The following FBXO31 variants were observed in gnomAD, a reference collection of about 807,000 sequenced individuals.
FBXO31 encodes the protein F-box only protein 31.
Under a neutral mutation model 54.4 loss-of-function variants are expected in FBXO31, and 24 were observed. The observed-to-expected ratio is 0.44, with a 90% confidence interval of 0.32 to 0.62. The LOEUF (loss-of-function observed/expected upper bound fraction) is 0.62, where lower values mean the gene tolerates loss of function less well. Ranked by LOEUF, FBXO31 falls within the 20% of genes least tolerant of loss-of-function variation. FBXO31 has a pLI of 0.05. For missense variants in FBXO31, 665 were observed against 787.1 expected (o/e 0.84, Z 1.86); for synonymous variants, 388 against 335.6 (o/e 1.16, Z -1.71).
At chr16:87,333,291 C>T (rs1006248207) in intron 8 of FBXO31, among the ~76,000 whole-genome samples, 13 of 152,240 alleles carry the variant, frequency 8.5e-5, no homozygotes, top group Non-Finnish European at 1.5e-4. Context: ...CCCACGCAGT[C>T]GCAGCTGGTG....
intron 5 of FBXO31, among the ~76,000 whole-genome samples, chr16:87,340,285 TCAAAAA>T (rs1905151990): frequency 6.6e-6 from 1 of 152,148 alleles, no homozygotes; most frequent in African/African-American, 2.4e-5. Context: ...AGACTACATC[TCAAAAA>T]CAAACAAAAA....
intron 1 of FBXO31, among the ~76,000 whole-genome samples, chr16:87,378,413 T>A (rs183266999): frequency 1.3e-5 from 2 of 152,320 alleles, no homozygotes; most frequent in Non-Finnish European, 2.9e-5. Context: ...AGAGGAATCA[T>A]TAAAATTAGA....
intron 2 of FBXO31, among the ~76,000 whole-genome samples, chr16:87,355,128 C>T (rs1306089838): frequency 6.6e-6 from 1 of 152,144 alleles, no homozygotes; most frequent in Non-Finnish European, 1.5e-5. Context: ...GAGGTCAAGG[C>T]AGAAGGATTG....
chr16:87,335,304 C>A lies in FBXO31; in HGVS notation c.996G>T (p.Thr332=), dbSNP rs371036788. 4 of 1,613,360 alleles carry A rather than the reference C, an allele frequency of 2.5e-6. No individual in the cohort carries two copies. The highest frequency in any genetic ancestry group is 3.4e-6 in the Non-Finnish European group (4 of 1,180,000). ...HGRRARGTKI[T]GDPNIPAGQQ... ...ACCAACCAGGTCAGCCGCCACTCAC[C>A]GTGATCTTGGTGCCCCTGGCACGCC... is the stretch of plus-strand genomic sequence containing the variant. The change falls in exon 7 of 9, where the codon ACG becomes ACT. Residue 332 remains threonine, a splice_region_variant and synonymous_variant. Coordinates refer to ENST00000311635, the MANE Select transcript of FBXO31 (RefSeq NM_024735.5). The surrounding 1 kb of genome is among the most constrained non-coding windows in gnomAD (Gnocchi z 5.7).
chr16:87,333,144 G>A (rs1348481399), intron 8 of FBXO31, among the ~76,000 whole-genome samples: 1 of 152,210 alleles, frequency 6.6e-6, no homozygotes, highest in African/African-American at 2.4e-5. Flanking sequence ...GAACGGCAAG[G>A]GGCCCGTGGC....
chr16:87,364,254 C>T (rs2278274), intron 1 of FBXO31, among the ~76,000 whole-genome samples: 15,186 of 152,252 alleles, frequency 0.1, 910 homozygotes, highest in East Asian at 0.27. Context: ...CACAGGAGGG[C>T]TGACCCCAGG....
intron 1 of FBXO31, among the ~76,000 whole-genome samples, chr16:87,372,058 T>C (rs1906626210): frequency 6.6e-6 from 1 of 152,084 alleles, no homozygotes; most frequent in Non-Finnish European, 1.5e-5. Context: ...ACCCCATTTC[T>C]ACTAAAAACA....
At chr16:87,384,586 G>C (rs1007880419), upstream of FBXO31, among the ~76,000 whole-genome samples, 2 of 152,196 alleles carry the variant, frequency 1.3e-5, no homozygotes, top group African/African-American at 4.8e-5. Flanking sequence ...TCCGCGGGTG[G>C]TGACCGCGAA....
chr16:87,354,189 T>C (rs184943439), intron 2 of FBXO31, among the ~76,000 whole-genome samples: 77 of 152,352 alleles, frequency 5.1e-4, no homozygotes, highest in African/African-American at 1.7e-3. Flanking sequence ...GTACAGAACA[T>C]TGTCCAGGCG....
chr16:87,386,350 CA>C (rs1907328156), upstream of FBXO31: 2 of 152,234 alleles, frequency 1.3e-5, no homozygotes, highest in Admixed American at 1.3e-4. Context: ...TTTGGGAAGC[CA>C]ACTCAGGCTT....
upstream of FBXO31, among the ~76,000 whole-genome samples, chr16:87,390,439 TTTTC>T (rs1259623540): frequency 6.6e-6 from 1 of 151,876 alleles, no homozygotes; most frequent in Non-Finnish European, 1.5e-5. Flanking sequence ...GAGAAATATA[TTTTC>T]TTTCTTTTTT....
At chr16:87,347,588 G>C (rs1373786286) in intron 2 of FBXO31, among the ~76,000 whole-genome samples, 1 of 150,674 alleles carries the variant, frequency 6.6e-6, no homozygotes, top group African/African-American at 2.5e-5. Context: ...GCTGAGGCAG[G>C]AGAATGGCAT....
chr16:87,383,183 C>T lies in FBXO31; in HGVS notation c.340+222G>A, dbSNP rs1394427963. On this transcript the variant is annotated intron_variant, in intron 1 of 8. Coordinates refer to ENST00000311635, the MANE Select transcript of FBXO31 (RefSeq NM_024735.5). This position sits in a 1 kb window ranked among gnomAD's most constrained non-coding sequence, Gnocchi z 4.9. The stretch of plus-strand genomic sequence containing the variant: ...CCCTACCCCGTCTGCCTCTCTTGGA[C>T]CCCTCGGACCCTCCCTAACCGCCTC... Among the ~76,000 whole-genome samples, 2 of 152,150 alleles carry T rather than the reference C, an allele frequency of 1.3e-5. No individual in the cohort carries two copies. The highest frequency in any genetic ancestry group is 3.9e-4 in the East Asian group (2 of 5,138).
At chr16:87,372,601 C>G (rs1030796235) in intron 1 of FBXO31, among the ~76,000 whole-genome samples, 11 of 152,168 alleles carry the variant, frequency 7.2e-5, no homozygotes, top group Admixed American at 7.2e-4. Context: ...CACTCCATCA[C>G]TCAGGCTGGA....
chr16:87,332,817 T>A (rs751384982), intron 8 of FBXO31, among the ~76,000 whole-genome samples: 2 of 151,922 alleles, frequency 1.3e-5, no homozygotes, highest in Non-Finnish European at 2.9e-5. Flanking sequence ...CATAGCAGCA[T>A]ACGCACATAG....
chr16:87,331,539 G>C, intron 8 of FBXO31, 29 bp from the exon 9 acceptor site: 1 of 1,558,244 alleles, frequency 6.4e-7, no homozygotes, highest in Non-Finnish European at 8.7e-7. Context: ...GAAACTGTGA[G>C]CTGGGGGAGG....
chr16:87,359,358 T>C (rs1026956769), intron 2 of FBXO31, among the ~76,000 whole-genome samples: 4 of 152,126 alleles, frequency 2.6e-5, no homozygotes, highest in Non-Finnish European at 4.4e-5. Flanking sequence ...GACTCAGTGC[T>C]CAGGCAACAC....
In FBXO31 at chr16:87,336,055, T is replaced by G; in HGVS notation, c.842+100A>C. The G allele has an allele frequency of 2.1e-6, 2 of 944,234 alleles. No individual in the cohort carries two copies. Among genetic ancestry groups the G allele is most frequent in the Non-Finnish European group, 3.2e-6 (2 of 618,592 alleles). The allele number at this position is 944,234 out of a possible 1,614,324, so 58.5% of individuals were successfully genotyped here. A position where few individuals can be genotyped will look rare whatever the true frequency, so the allele number is the denominator to read the frequency against. ...GAGAGGGCTGAACCCCAGCACCCAC[T>G]GAGACAAAGGACTATGCCCCAGCAC... On this transcript the variant is annotated intron_variant, in intron 6 of 8. Coordinates refer to ENST00000311635, the MANE Select transcript of FBXO31 (RefSeq NM_024735.5). This position sits in a 1 kb window ranked among gnomAD's most constrained non-coding sequence, Gnocchi z 6.5.
chr16:87,378,248 G>A (rs1307083620), intron 1 of FBXO31, among the ~76,000 whole-genome samples: 1 of 151,792 alleles, frequency 6.6e-6, no homozygotes. Flanking sequence ...AAGCAAAAAT[G>A]AAAGATAAAT....
Sources: gnomAD v4.1 joint callset for allele counts (sites outside exome capture counted in the v4.1 genomes callset) on GRCh38, gnomAD v4.1.1 for gene constraint, Gnocchi (gnomAD v3.1) non-coding constraint, MANE v1.5 for transcripts, NCBI Gene and HGNC (gene_info 2026-07-23, HGNC 2026-07-21) for gene names.